PMFBP1: variants seen among roughly 807,000 people sequenced by gnomAD.
PMFBP1 encodes polyamine modulated factor 1 binding protein 1.
PMFBP1 carries 131 observed loss-of-function variants against 137.8 expected under a neutral mutation model. The ratio of observed to expected loss-of-function variants is 0.95; its 90% CI spans 0.82 to 1.10. The LOEUF is 1.10. Among genes scored for constraint, PMFBP1 ranks in the 50% least tolerant of loss-of-function variants. The pLI is 0.00. For missense variants in PMFBP1, 1,199 were observed against 1,175.4 expected (o/e 1.02, Z -0.29); for synonymous variants, 490 against 450.4 (o/e 1.09, Z -1.11).
Position 72,122,937 on chromosome 16 carries a change from A to T in PMFBP1, c.2745T>A (p.Ile915=). ...ACTCCTTTTCGCCACTCAGCTTGGC[A>T]ATGTATTTCACCTGCTCTCGGAGCT... ...GNQLREQVKY[I]AKLSGEKDHL... The change falls in exon 19 of 21, where the codon ATT becomes ATA. Residue 915 remains isoleucine, a synonymous_variant. Coordinates refer to ENST00000237353, the MANE Select transcript of PMFBP1 (RefSeq NM_031293.3). The T allele has an allele frequency of 6.2e-7, 1 of 1,613,488 alleles. No homozygotes were observed. Among genetic ancestry groups the T allele is most frequent in the Non-Finnish European group, 8.5e-7 (1 of 1,179,962 alleles).
Position 72,124,924 on chromosome 16 carries a change from A to C in PMFBP1, c.2432T>G (p.Phe811Cys), listed in dbSNP as rs1435498807. ...GCTCATCTCCTCTAGCTTCTTGTCAAAGGCGTGCACCTACTCAGGAGAGCA... is the reference window on the plus strand; with the variant it reads ...GCTCATCTCCTCTAGCTTCTTGTCACAGGCGTGCACCTACTCAGGAGAGCA... ...HQESELEVHAFDKKLEEMSCQ... is the reference protein window; with the variant it reads ...HQESELEVHACDKKLEEMSCQ... The change falls in exon 17 of 21, where the codon TTT becomes TGT. Residue 811 changes from phenylalanine to cysteine, a missense_variant. Coordinates refer to ENST00000237353, the MANE Select transcript of PMFBP1 (RefSeq NM_031293.3). 2 of 1,613,458 alleles carry C rather than the reference A, an allele frequency of 1.2e-6. No homozygotes were observed.
chr16:72,236,756 A>C, the PMFBP1 span, among the ~76,000 whole-genome samples: 1 of 152,196 alleles, frequency 6.6e-6, no homozygotes, highest in Non-Finnish European at 1.5e-5. Flanking sequence ...TCACTGGCAA[A>C]AGAAAGTCTT....
intron 15 of PMFBP1, 95 bp downstream of exon 15, chr16:72,125,873 G>A: frequency 8.9e-6 from 13 of 1,461,738 alleles, no homozygotes; most frequent in Non-Finnish European, 1.2e-5. Flanking sequence ...CCCATTGACA[G>A]TCAATAGGCA....
chr16:72,123,265 G>C (rs1256520935), intron 18 of PMFBP1, among the ~76,000 whole-genome samples: 1 of 152,190 alleles, frequency 6.6e-6, no homozygotes, highest in Non-Finnish European at 1.5e-5. Flanking sequence ...CCTGGGATGG[G>C]AGGAGGATAT....
chr16:72,188,000 G>A, the PMFBP1 span, among the ~76,000 whole-genome samples: 4 of 152,152 alleles, frequency 2.6e-5, no homozygotes, highest in Non-Finnish European at 4.4e-5. Context: ...TCCTTTGTAG[G>A]TACAAGAATG....
At chr16:72,132,271 A>G (rs1206817656) in intron 10 of PMFBP1, among the ~76,000 whole-genome samples, 1 of 152,238 alleles carries the variant, frequency 6.6e-6, no homozygotes, top group Non-Finnish European at 1.5e-5. Flanking sequence ...CCAAGGAAGA[A>G]GCTATTGGTG....
intron 5 of PMFBP1, 152 bp from the exon 6 acceptor site, chr16:72,140,734 A>G: frequency 1.5e-6 from 1 of 668,428 alleles, no homozygotes; most frequent in Non-Finnish European, 2.5e-6. Flanking sequence ...AAAAATATTA[A>G]CTAGTGCATA....
downstream of PMFBP1, among the ~76,000 whole-genome samples, chr16:72,118,926 CA>C (rs1597454816): frequency 6.6e-6 from 1 of 152,162 alleles, no homozygotes; most frequent in East Asian, 1.9e-4. Flanking sequence ...AGCTACTTAT[CA>C]CTTTTGTTGG....
At chr16:72,227,684 C>T in the PMFBP1 span, among the ~76,000 whole-genome samples, 397 of 152,210 alleles carry the variant, frequency 2.6e-3, 2 homozygotes, top group Non-Finnish European at 4.3e-3. Context: ...GTCAGAGAGA[C>T]GTGGCATAGA....
chr16:72,204,469 C>T, the PMFBP1 span, among the ~76,000 whole-genome samples: 2 of 152,140 alleles, frequency 1.3e-5, no homozygotes, highest in African/African-American at 4.8e-5. Flanking sequence ...TCCCAAAGTG[C>T]TGGGATTACA....
At chr16:72,200,063 G>A in the PMFBP1 span, among the ~76,000 whole-genome samples, 1 of 152,242 alleles carries the variant, frequency 6.6e-6, no homozygotes, top group Non-Finnish European at 1.5e-5. Context: ...AAACTACATG[G>A]CAAGCTGTTG....
chr16:72,191,189 C>T, the PMFBP1 span, among the ~76,000 whole-genome samples: 1 of 152,274 alleles, frequency 6.6e-6, no homozygotes, highest in Admixed American at 6.5e-5. Flanking sequence ...TGCTACTTTA[C>T]AGACAGATTC....
At chr16:72,244,143 G>A in the PMFBP1 span, among the ~76,000 whole-genome samples, 1 of 152,060 alleles carries the variant, frequency 6.6e-6, no homozygotes, top group Admixed American at 6.6e-5. Flanking sequence ...AAAGAGGAAG[G>A]CATTTTGCAA....
At chr16:72,131,032 G>C (rs1036322626) in intron 10 of PMFBP1, among the ~76,000 whole-genome samples, 2 of 152,182 alleles carry the variant, frequency 1.3e-5, no homozygotes, top group African/African-American at 4.8e-5. Context: ...CCTGAGGGAG[G>C]CTTACTGGCC....
At chr16:72,156,987 A>AC (rs2042990606) in intron 3 of PMFBP1, among the ~76,000 whole-genome samples, 1 of 151,740 alleles carries the variant, frequency 6.6e-6, no homozygotes, top group South Asian at 2.1e-4. Context: ...GGAGATCGAG[A>AC]CCATCCTGGC....
intron 14 of PMFBP1, 123 bp downstream of exon 14, chr16:72,128,534 C>A: frequency 1.3e-6 from 2 of 1,581,452 alleles, no homozygotes; most frequent in Non-Finnish European, 1.7e-6. Context: ...GTAGGTGGCC[C>A]AGGATCCGCA....
In PMFBP1 at chr16:72,137,063, C is replaced by T. The variant is rs1275633516; in HGVS notation, c.919-244G>A. On this transcript the variant is annotated intron_variant, in intron 7 of 20. Coordinates refer to ENST00000237353, the MANE Select transcript of PMFBP1 (RefSeq NM_031293.3). The stretch of plus-strand genomic sequence containing the variant: ...CCCAACCTTGTGAATATACTAAAAA[C>T]CAATGGTGAATTTTATAATTTGTCC... Among the ~76,000 whole-genome samples, 4 of 152,154 alleles carry T rather than the reference C, an allele frequency of 2.6e-5. No individual in the cohort carries two copies. The East Asian group carries it at 7.7e-4, about 29-fold the overall frequency.
the PMFBP1 span, among the ~76,000 whole-genome samples, chr16:72,209,029 G>T: frequency 6.6e-6 from 1 of 152,208 alleles, no homozygotes; most frequent in African/African-American, 2.4e-5. Flanking sequence ...TTTCACCAGC[G>T]TGGCTGCCTT....
intron 19 of PMFBP1, among the ~76,000 whole-genome samples, chr16:72,121,634 C>T (rs1289225306): frequency 6.6e-6 from 1 of 152,114 alleles, no homozygotes; most frequent in Non-Finnish European, 1.5e-5. Context: ...TTACTTTCAT[C>T]GTTTTTTAGA....
Sources: allele counts gnomAD v4.1 joint callset (sites outside exome capture counted in the v4.1 genomes callset), GRCh38; gene constraint gnomAD v4.1.1; transcripts MANE v1.5; gene names NCBI Gene and HGNC (gene_info 2026-07-23, HGNC 2026-07-21).